The following FHOD3 variants were observed in gnomAD, a reference collection of about 807,000 sequenced individuals.
FHOD3 encodes FH1/FH2 domain-containing protein 3.
FHOD3 carries 90 observed loss-of-function variants against 173.0 expected under a neutral mutation model. The observed-to-expected ratio is 0.52, with a 90% confidence interval of 0.44 to 0.62. The LOEUF is 0.62. FHOD3 is among the 20% of genes least tolerant of loss of function. FHOD3 has a pLI of 0.00. For missense variants in FHOD3, 1,945 were observed against 2,034.7 expected, an observed-to-expected ratio of 0.96 and a Z score of 0.85; for synonymous variants, 828 against 823.0, an observed-to-expected ratio of 1.01 and a Z score of -0.10.
At chr18:36,552,463 C>T (rs1343292626) in intron 5 of FHOD3, among the ~76,000 whole-genome samples, 1 of 151,440 alleles carries the variant, frequency 6.6e-6, no homozygotes, top group African/African-American at 2.4e-5. Context: ...TTGACTTCCT[C>T]TTTTCCTAAT....
chr18:36,642,906 C>T (rs1293877847), intron 10 of FHOD3, among the ~76,000 whole-genome samples: 1 of 149,240 alleles, frequency 6.7e-6, no homozygotes, highest in Non-Finnish European at 1.5e-5. Flanking sequence ...TTTTTTTTTA[C>T]TTTTTTTTCT....
chr18:36,769,089 C>T (rs1294546482), intron 27 of FHOD3, among the ~76,000 whole-genome samples, 176 bp from the exon 28 acceptor site: 1 of 152,152 alleles, frequency 6.6e-6, no homozygotes, highest in African/African-American at 2.4e-5. Context: ...TGGTGGTGCT[C>T]CCTGCAGTGG....
intron 3 of FHOD3, among the ~76,000 whole-genome samples, chr18:36,439,521 A>ATG (rs33931333): frequency 0.12 from 17,710 of 143,972 alleles, 1,124 homozygotes; most frequent in East Asian, 0.22. Context: ...AACCAATAGA[A>ATG]TGTGTGTGTG....
intron 1 of FHOD3, among the ~76,000 whole-genome samples, chr18:36,326,945 C>T (rs535020318): frequency 2.2e-4 from 34 of 152,312 alleles, no homozygotes; most frequent in African/African-American, 5.8e-4. Context: ...CGGACTTTGG[C>T]ATTTTACATC....
At chr18:36,713,586 C>T (rs569191594) in intron 18 of FHOD3, among the ~76,000 whole-genome samples, 2 of 152,152 alleles carry the variant, frequency 1.3e-5, no homozygotes, top group African/African-American at 2.4e-5. Context: ...ATGTAGCGTT[C>T]TATAGGATCA....
At chr18:36,733,910 C>T (rs1039369789) in intron 20 of FHOD3, among the ~76,000 whole-genome samples, 20 of 152,124 alleles carry the variant, frequency 1.3e-4, no homozygotes, top group South Asian at 2.1e-4. Flanking sequence ...AGCCGGGGAG[C>T]GGGGACACAA....
At chr18:36,494,928 G>A (rs374976617) in intron 3 of FHOD3, among the ~76,000 whole-genome samples, 10 of 152,068 alleles carry the variant, frequency 6.6e-5, no homozygotes, top group Non-Finnish European at 1.2e-4. Flanking sequence ...TATGTCAGAC[G>A]TCATGCCCAA....
intron 3 of FHOD3, among the ~76,000 whole-genome samples, chr18:36,435,132 C>G (rs918855097): frequency 3.4e-5 from 5 of 146,858 alleles, no homozygotes; most frequent in Non-Finnish European, 7.4e-5. Flanking sequence ...CAAGAAAAGA[C>G]CCGTTTCCTT....
At chr18:36,577,314 T>C (rs2058691102) in intron 6 of FHOD3, among the ~76,000 whole-genome samples, 1 of 152,004 alleles carries the variant, frequency 6.6e-6, no homozygotes, top group African/African-American at 2.4e-5. Context: ...TTTTATTTTA[T>C]TTATTGAGAC....
chr18:36,556,726 GA>G (rs1441292558), intron 5 of FHOD3, among the ~76,000 whole-genome samples: 2 of 152,046 alleles, frequency 1.3e-5, no homozygotes, highest in Non-Finnish European at 2.9e-5. Flanking sequence ...TAAATAAGGG[GA>G]AAAAACGTGT....
intron 5 of FHOD3, among the ~76,000 whole-genome samples, chr18:36,518,396 G>C (rs1482928760): frequency 1.3e-5 from 2 of 152,218 alleles, no homozygotes; most frequent in Admixed American, 1.3e-4. Context: ...TAGCTGTACA[G>C]CTAGGCTTTG....
chr18:36,533,972 C>G (rs919356581), intron 5 of FHOD3, among the ~76,000 whole-genome samples: 32 of 152,212 alleles, frequency 2.1e-4, no homozygotes, highest in African/African-American at 7.5e-4. Context: ...GGCTCCTTCT[C>G]TCCCACACAA....
chr18:36,716,914 A>ATGTGTGTGTGTGTGTGTGTGTG (rs57041859), intron 18 of FHOD3, among the ~76,000 whole-genome samples: 2 of 136,814 alleles, frequency 1.5e-5, no homozygotes, highest in African/African-American at 5.4e-5. Context: ...ATATATGTGT[A>ATGTGTGTGTGTGTGTGTGTGTG]TGTGTGTGTG....
chr18:36,562,692 C>G (rs1192182748), intron 5 of FHOD3, among the ~76,000 whole-genome samples: 2 of 152,122 alleles, frequency 1.3e-5, no homozygotes, highest in Non-Finnish European at 2.9e-5. Context: ...TGGTGAGAAG[C>G]AGGTGTTGAT....
chr18:36,330,518 C>G (rs1239344660), intron 1 of FHOD3, among the ~76,000 whole-genome samples: 1 of 152,168 alleles, frequency 6.6e-6, no homozygotes, highest in Non-Finnish European at 1.5e-5. Flanking sequence ...AAGAGAGCCT[C>G]TGGGGATGGG....
chr18:36,321,422 G>A (rs2044386908), intron 1 of FHOD3, among the ~76,000 whole-genome samples: 2 of 152,218 alleles, frequency 1.3e-5, no homozygotes, highest in Admixed American at 1.3e-4. Flanking sequence ...TTTCTTCTCA[G>A]GACACAGCTC....
intron 10 of FHOD3, among the ~76,000 whole-genome samples, chr18:36,642,582 C>CAAAAAAAAAA (rs35920197): frequency 1.6e-5 from 1 of 61,814 alleles, no homozygotes; most frequent in Admixed American, 1.8e-4. Context: ...GACTCCGTCT[C>CAAAAAAAAAA]AAAAAAAAAA....
In FHOD3 at chr18:36,325,095, A is replaced by G. The variant is rs11873625; in HGVS notation, c.165+27095A>G. Among the ~76,000 whole-genome samples, 1,165 of 152,290 alleles carry G rather than the reference A, an allele frequency of 7.6e-3. 12 individuals carry two copies. The highest frequency in any genetic ancestry group is 0.026 in the African/African-American group (1,086 of 41,540). On this transcript the variant is annotated intron_variant, in intron 1 of 28. Transcript: ENST00000590592. Reference sequence around the variant, plus strand: ...ACAGGAGAGTACATAATGCACATTGATATATCAAGTTCTAGTATAGGGAAA... The same window carrying G: ...ACAGGAGAGTACATAATGCACATTGGTATATCAAGTTCTAGTATAGGGAAA...
chr18:36,477,590 CCTACCTACCTAT>C (rs1568324637), intron 3 of FHOD3, among the ~76,000 whole-genome samples: 1 of 119,148 alleles, frequency 8.4e-6, no homozygotes, highest in African/African-American at 3.0e-5. Flanking sequence ...TACCTACCTA[CCTACCTACCTAT>C]CTACCTATCT....
Sources: gnomAD v4.1 joint callset for allele counts (sites outside exome capture counted in the v4.1 genomes callset) on GRCh38, gnomAD v4.1.1 for gene constraint, MANE v1.5 for transcripts, NCBI Gene and HGNC (gene_info 2026-07-23, HGNC 2026-07-21) for gene names.